RSF1: variants seen among roughly 807,000 people sequenced by gnomAD.
RSF1 encodes remodeling and spacing factor 1, also known as HBV pX-associated protein 8.
A neutral mutation model predicts 145.2 loss-of-function variants in RSF1; 13 were observed. That is an observed-to-expected ratio of 0.09 (90% confidence interval 0.06 to 0.14). The LOEUF is 0.14. Ranked by LOEUF, RSF1 falls within the 10% of genes least tolerant of loss-of-function variation. The pLI is 1.00. For missense variants in RSF1, 1,517 were observed against 1,718.2 expected (o/e 0.88, Z 2.07); for synonymous variants, 577 against 592.6 (o/e 0.97, Z 0.38).
At chr11:77,811,852 T>C (rs1467472784) in intron 1 of RSF1, among the ~76,000 whole-genome samples, 1 of 152,110 alleles carries the variant, frequency 6.6e-6, no homozygotes, top group Non-Finnish European at 1.5e-5. Flanking sequence ...GATAGTAACA[T>C]TCATTTAAGA....
At chr11:77,863,799 G>A in the RSF1 span, among the ~76,000 whole-genome samples, 2 of 152,166 alleles carry the variant, frequency 1.3e-5, no homozygotes, top group Admixed American at 6.5e-5. Context: ...ACAGGTGTGA[G>A]CCTCTCTGCC....
At chr11:77,763,476 T>C (rs1231731754) in intron 2 of RSF1, 1 of 152,222 alleles carries the variant, frequency 6.6e-6, no homozygotes, top group Non-Finnish European at 1.5e-5. Context: ...ATGCTGGCTC[T>C]GTCGTTTTTA....
rs1466006228 is a variant in RSF1 at position 77,725,705 on chromosome 11, C to A, written c.579-6G>T. The A allele has an allele frequency of 1.9e-6, 3 of 1,557,772 alleles. No individual in the cohort carries two copies. Among genetic ancestry groups the A allele is most frequent in the Admixed American group, 1.9e-5 (1 of 51,542 alleles). On this transcript the variant is annotated splice_region_variant and splice_polypyrimidine_tract_variant and intron_variant, in intron 4 of 15. Transcript: ENST00000308488. ...CAGCCAACTCGTTTCGATTTCTAAA[C>A]AAGGAAAAAAATAAGACAGCATAAA...
chr11:77,825,639 A>G (rs2136036803), upstream of RSF1, among the ~76,000 whole-genome samples: 1 of 152,180 alleles, frequency 6.6e-6, no homozygotes, highest in Admixed American at 6.5e-5. Context: ...CTGTGTTACA[A>G]CAGAATTCTA....
chr11:77,801,609 G>A (rs1948627149), intron 1 of RSF1, among the ~76,000 whole-genome samples: 1 of 152,124 alleles, frequency 6.6e-6, no homozygotes, highest in Admixed American at 6.6e-5. Flanking sequence ...TGAGCAATGG[G>A]GTAACATGCG....
upstream of RSF1, among the ~76,000 whole-genome samples, chr11:77,822,052 T>C (rs1948932600): frequency 6.6e-6 from 1 of 152,184 alleles, no homozygotes; most frequent in Non-Finnish European, 1.5e-5. Flanking sequence ...GTTCCTATAA[T>C]TTAGACTGAA....
chr11:77,863,886 C>G, the RSF1 span, among the ~76,000 whole-genome samples: 2 of 151,970 alleles, frequency 1.3e-5, no homozygotes, highest in Non-Finnish European at 2.9e-5. Flanking sequence ...TTAAAGTCAG[C>G]AATTATGATA....
intron 1 of RSF1, among the ~76,000 whole-genome samples, chr11:77,802,607 G>A (rs1590896055): frequency 6.6e-6 from 1 of 151,982 alleles, no homozygotes; most frequent in Non-Finnish European, 1.5e-5. Context: ...GCAATGGCGC[G>A]ATCTCAGCCT....
rs1961488289 is a variant in RSF1 at position 77,740,691 on chromosome 11, A to AAC, written c.578+38_578+39dup. ...GTTTTGAAACGAGATCAATGTACAA[A>AAC]ACACACAAATAAGTGTAAAAAGGTT... On this transcript the variant is annotated intron_variant, in intron 4 of 15. Coordinates refer to ENST00000308488, the MANE Select transcript of RSF1 (RefSeq NM_016578.4). 12 of 1,553,916 alleles carry AAC rather than the reference A, an allele frequency of 7.7e-6. No homozygotes were observed. The East Asian group carries it at 2.7e-4, about 35-fold the overall frequency.
chr11:77,709,088 G>A (rs550488612), intron 5 of RSF1, among the ~76,000 whole-genome samples: 1 of 152,310 alleles, frequency 6.6e-6, no homozygotes, highest in South Asian at 2.1e-4. Flanking sequence ...GCAGGGTTGT[G>A]CCACCTCAGG....
the RSF1 span, among the ~76,000 whole-genome samples, chr11:77,861,881 G>GT: frequency 9.2e-5 from 14 of 152,208 alleles, no homozygotes; most frequent in African/African-American, 3.4e-4. Context: ...GGGTTTCTAA[G>GT]TTTTTTGAAG....
chr11:77,772,031 A>G (rs545668147), intron 1 of RSF1, among the ~76,000 whole-genome samples: 66 of 152,360 alleles, frequency 4.3e-4, no homozygotes, highest in Non-Finnish European at 8.7e-4. Flanking sequence ...TGTGTCCTGT[A>G]TGATGATCCC....
chr11:77,795,227 G>C (rs1321477124), intron 1 of RSF1, among the ~76,000 whole-genome samples: 1 of 152,122 alleles, frequency 6.6e-6, no homozygotes, highest in Admixed American at 6.5e-5. Flanking sequence ...GACATCACAT[G>C]TTCATTGATT....
chr11:77,824,734 G>A (rs1949088133), upstream of RSF1, among the ~76,000 whole-genome samples: 1 of 152,132 alleles, frequency 6.6e-6, no homozygotes, highest in African/African-American at 2.4e-5. Context: ...CTAGAAAGGG[G>A]CACAAGGGGA....
At chr11:77,727,085 G>C (rs1961073425) in intron 4 of RSF1, among the ~76,000 whole-genome samples, 1 of 152,146 alleles carries the variant, frequency 6.6e-6, no homozygotes, top group Non-Finnish European at 1.5e-5. Flanking sequence ...AACCAGTCTA[G>C]AATTTTAATT....
In RSF1 at chr11:77,728,641, G is replaced by A. The variant is rs561075702; in HGVS notation, c.579-2942C>T. ...GGGAGACGGGAGAAGGGAAGGGAAG[G>A]AAAGGAAAGGGAAAGAAAGAGGCCA... On this transcript the variant is annotated intron_variant, in intron 4 of 15. Transcript: ENST00000308488. 2.0e-5 allele frequency among the ~76,000 whole-genome samples: 3 copies of A among 151,820 alleles called. No homozygotes were observed. In the East Asian group the frequency reaches 5.8e-4, roughly 29 times the overall value.
chr11:77,775,454 C>T (rs78937933), intron 1 of RSF1, among the ~76,000 whole-genome samples: 2 of 152,130 alleles, frequency 1.3e-5, no homozygotes, highest in Non-Finnish European at 2.9e-5. Flanking sequence ...GTCTTTTCCC[C>T]GCTTTTCTCT....
intron 15 of RSF1, among the ~76,000 whole-genome samples, chr11:77,668,546 G>A (rs2135806530): frequency 1.3e-5 from 2 of 152,056 alleles, no homozygotes; most frequent in Admixed American, 1.3e-4. Context: ...TATATAGTTG[G>A]GCCCCCCTAT....
chr11:77,735,632 A>C (rs1012260192), intron 4 of RSF1, among the ~76,000 whole-genome samples: 7 of 152,212 alleles, frequency 4.6e-5, no homozygotes, highest in African/African-American at 1.7e-4. Flanking sequence ...ACTAGTAAAA[A>C]ATAATACTTA....
Sources: gnomAD v4.1 joint callset for allele counts (sites outside exome capture counted in the v4.1 genomes callset) on GRCh38, gnomAD v4.1.1 for gene constraint, MANE v1.5 for transcripts, NCBI Gene and HGNC (gene_info 2026-07-23, HGNC 2026-07-21) for gene names.